The following WWOX variants were observed in gnomAD, a reference collection of about 807,000 sequenced individuals.
The protein encoded by WWOX is WW domain containing oxidoreductase.
A neutral mutation model predicts 46.2 loss-of-function variants in WWOX; 69 were observed. That is an observed-to-expected ratio of 1.49 (90% CI 1.23 to 1.82). The LOEUF is 1.82. WWOX is among the 40% of genes most tolerant of loss of function. The probability of loss-of-function intolerance (pLI) is 0.00; values close to 1 mark genes in which losing one functional copy is unlikely to be tolerated. For missense variants in WWOX, 919 were observed against 542.6 expected (o/e 1.69, Z -6.89); for synonymous variants, 359 against 202.6 (o/e 1.77, Z -6.56).
chr16:79,184,841 G>T (rs555635904), intron 8 of WWOX, among the ~76,000 whole-genome samples: 1 of 152,366 alleles, frequency 6.6e-6, no homozygotes, highest in East Asian at 1.9e-4. Flanking sequence ...CAGTGAGACA[G>T]TTGGCTCCAG....
At chr16:78,817,172 C>CTTTTTTTTTTTTTTTTTTTTT (rs33981779) in intron 8 of WWOX, among the ~76,000 whole-genome samples, 5 of 51,596 alleles carry the variant, frequency 9.7e-5, no homozygotes, top group African/African-American at 1.5e-4. Context: ...TAGTGCTATT[C>CTTTTTTTTTTTTTTTTTTTTT]TTTTTTTTTT....
At chr16:78,752,940 G>T (rs1469243063) in intron 8 of WWOX, among the ~76,000 whole-genome samples, 2 of 152,300 alleles carry the variant, frequency 1.3e-5, no homozygotes, top group Non-Finnish European at 2.9e-5. Flanking sequence ...TTAAATATCA[G>T]TGGGGATAAT....
At chr16:78,556,530 A>G (rs1049476894) in intron 8 of WWOX, among the ~76,000 whole-genome samples, 1 of 152,130 alleles carries the variant, frequency 6.6e-6, no homozygotes, top group Non-Finnish European at 1.5e-5. Flanking sequence ...ACAATTATAA[A>G]GTATCTACAA....
chr16:79,074,409 C>CTTTTTTTTTTTTTTTT lies in WWOX; in HGVS notation c.1057-137181_1057-137166dup, dbSNP rs60074156. 7.7e-4 allele frequency among the ~76,000 whole-genome samples: 24 copies of CTTTTTTTTTTTTTTTT among 30,982 alleles called. 2 individuals are homozygous for CTTTTTTTTTTTTTTTT. Among genetic ancestry groups the CTTTTTTTTTTTTTTTT allele is most frequent in the Admixed American group, 1.8e-3 (3 of 1,710 alleles). The allele number at this position is 30,982 out of a possible 152,430, so 20.3% of individuals were successfully genotyped here. A position where few individuals can be genotyped will look rare whatever the true frequency, so the allele number is the denominator to read the frequency against. ...CATCCTGACTGAAATGTCACTAGTC[C>CTTTTTTTTTTTTTTTT]TTTTTTTTTTTTTTTTTTTTTTTTT... On this transcript the variant is annotated intron_variant, in intron 8 of 8. Transcript: ENST00000566780.
chr16:79,013,455 T>G (rs926947597), intron 8 of WWOX, among the ~76,000 whole-genome samples: 2 of 152,128 alleles, frequency 1.3e-5, no homozygotes, highest in Non-Finnish European at 2.9e-5. Flanking sequence ...TTGTTTCTCT[T>G]TTTCTGTGTG....
intron 8 of WWOX, among the ~76,000 whole-genome samples, chr16:78,902,553 C>T (rs1229168255): frequency 1.3e-5 from 2 of 152,214 alleles, no homozygotes; most frequent in Admixed American, 1.3e-4. Flanking sequence ...GCTGCGGGGG[C>T]CTAGGCCAAA....
intron 5 of WWOX, among the ~76,000 whole-genome samples, chr16:78,316,105 C>T (rs1437874461): frequency 2.0e-5 from 3 of 151,826 alleles, no homozygotes; most frequent in East Asian, 2.0e-4. Flanking sequence ...AAAAATCAGG[C>T]ATGTTAGCAT....
intron 8 of WWOX, among the ~76,000 whole-genome samples, chr16:79,198,469 T>C (rs1247286437): frequency 1.3e-5 from 2 of 152,242 alleles, no homozygotes; most frequent in East Asian, 3.8e-4. Flanking sequence ...TATTTTCCCA[T>C]GGGCAATTAA....
At chr16:78,685,616 A>G (rs988877101) in intron 8 of WWOX, among the ~76,000 whole-genome samples, 4 of 152,242 alleles carry the variant, frequency 2.6e-5, no homozygotes, top group Non-Finnish European at 5.9e-5. Context: ...TATATTTCAC[A>G]TGGCCATATA....
chr16:79,113,439 G>A (rs964702315), intron 8 of WWOX, among the ~76,000 whole-genome samples: 7 of 152,222 alleles, frequency 4.6e-5, no homozygotes, highest in Non-Finnish European at 1.0e-4. Flanking sequence ...TTCACATCCA[G>A]GCACTTCTGG....
At position 78,870,890 on chromosome 16, in the gene WWOX, C is replaced by T. The variant is rs530971736; in HGVS notation, c.1057-340718C>T. 3.3e-4 allele frequency among the ~76,000 whole-genome samples: 50 copies of T among 152,300 alleles called. 1 individual carries two copies. The South Asian group carries it at 9.7e-3, about 30-fold the overall frequency. The stretch of plus-strand genomic sequence containing the variant: ...GTGCTAGGATTATAGGCATGAGCCA[C>T]CATGCCCGGCCTAATCTAATCAGTT... On this transcript the variant is annotated intron_variant, in intron 8 of 8. Transcript: ENST00000566780.
At chr16:78,913,777 G>A (rs569360946) in intron 8 of WWOX, among the ~76,000 whole-genome samples, 49 of 151,440 alleles carry the variant, frequency 3.2e-4, no homozygotes, top group African/African-American at 1.1e-3. Context: ...TCCTCCCACC[G>A]TAGCCTCCTG....
intron 6 of WWOX, among the ~76,000 whole-genome samples, chr16:78,423,581 CG>C (rs1268220848): frequency 4.6e-5 from 7 of 151,934 alleles, no homozygotes; most frequent in Non-Finnish European, 1.0e-4. Flanking sequence ...AATTTTGTTA[CG>C]TTTGTGAGGC....
intron 5 of WWOX, among the ~76,000 whole-genome samples, chr16:78,353,654 T>G (rs1178827808): frequency 6.6e-6 from 1 of 152,258 alleles, no homozygotes; most frequent in African/African-American, 2.4e-5. Context: ...GCAGTAATAT[T>G]ATGAAGATTA....
At chr16:78,187,076 A>T (rs894303455) in intron 5 of WWOX, among the ~76,000 whole-genome samples, 3 of 152,206 alleles carry the variant, frequency 2.0e-5, no homozygotes, top group Non-Finnish European at 4.4e-5. Flanking sequence ...CATAGTCAGG[A>T]TACAGAACTG....
At chr16:78,333,716 G>C (rs6564525) in intron 5 of WWOX, among the ~76,000 whole-genome samples, 135,995 of 152,278 alleles carry the variant, frequency 0.89, 60,958 homozygotes, top group African/African-American at 0.96. Flanking sequence ...ACATAGACTT[G>C]ATACACATGA....
intron 5 of WWOX, among the ~76,000 whole-genome samples, chr16:78,371,852 G>A (rs1351635880): frequency 6.6e-6 from 1 of 152,042 alleles, no homozygotes. Flanking sequence ...AATCATGTGT[G>A]TTAGGTAGGC....
chr16:78,451,049 T>G (rs909063475), intron 8 of WWOX, among the ~76,000 whole-genome samples: 1 of 152,230 alleles, frequency 6.6e-6, no homozygotes, highest in African/African-American at 2.4e-5. Context: ...GTGGTTTGCT[T>G]TCCCGTTATA....
intron 5 of WWOX, among the ~76,000 whole-genome samples, chr16:78,301,396 C>T (rs184623321): frequency 7.9e-5 from 12 of 152,196 alleles, no homozygotes; most frequent in African/African-American, 2.2e-4. Flanking sequence ...TTTTCTTTAT[C>T]GGCTACCAAG....
Sources: allele counts gnomAD v4.1 joint callset (sites outside exome capture counted in the v4.1 genomes callset), GRCh38; gene constraint gnomAD v4.1.1; transcripts MANE v1.5; gene names NCBI Gene and HGNC (gene_info 2026-07-23, HGNC 2026-07-21).